Variants in MACROD2 observed in about 807,000 individuals in gnomAD.
The protein encoded by MACROD2 is mono-ADP ribosylhydrolase 2.
In MACROD2, 36 loss-of-function variants were observed where a neutral mutation model predicts 70.4. The ratio of observed to expected loss-of-function variants is 0.51; its 90% CI spans 0.39 to 0.68. The LOEUF (loss-of-function observed/expected upper bound fraction) is 0.68. Ranked by LOEUF, MACROD2 falls within the 30% of genes least tolerant of loss-of-function variation. The pLI is 0.00. For synonymous variants in MACROD2, 172 were observed against 178.8 expected, an observed-to-expected ratio of 0.96 and a Z score of 0.30; for missense variants, 496 against 538.4, an observed-to-expected ratio of 0.92 and a Z score of 0.78.
intron 7 of MACROD2, among the ~76,000 whole-genome samples, chr20:15,483,932 A>G (rs2047131305): frequency 6.6e-6 from 1 of 152,054 alleles, no homozygotes; most frequent in Non-Finnish European, 1.5e-5. Flanking sequence ...ATCTTGCTAT[A>G]ATTGCTTATT....
chr20:15,000,839 A>T (rs1039858456), intron 5 of MACROD2, among the ~76,000 whole-genome samples: 45 of 152,266 alleles, frequency 3.0e-4, no homozygotes, highest in African/African-American at 1.0e-3. Flanking sequence ...ATTATTCTTT[A>T]TGCTTTTCTA....
intron 5 of MACROD2, among the ~76,000 whole-genome samples, chr20:14,952,547 T>C (rs1600865025): frequency 6.6e-6 from 1 of 152,302 alleles, no homozygotes; most frequent in Non-Finnish European, 1.5e-5. Flanking sequence ...CTAATCCCAG[T>C]ACTGCCTTCC....
chr20:15,362,642 A>T (rs1433839273), intron 6 of MACROD2, among the ~76,000 whole-genome samples: 1 of 152,126 alleles, frequency 6.6e-6, no homozygotes, highest in Admixed American at 6.6e-5. Flanking sequence ...TCAATTCATT[A>T]TTAGAAATTA....
chr20:15,563,706 T>C (rs2048274691), intron 8 of MACROD2, among the ~76,000 whole-genome samples: 1 of 152,160 alleles, frequency 6.6e-6, no homozygotes, highest in Non-Finnish European at 1.5e-5. Flanking sequence ...TAAAATAATA[T>C]ATTTTATTGC....
chr20:15,137,394 T>G (rs2076157491), intron 5 of MACROD2, among the ~76,000 whole-genome samples: 1 of 151,358 alleles, frequency 6.6e-6, no homozygotes, highest in Non-Finnish European at 1.5e-5. Context: ...AAATGATGAG[T>G]TCATGTCTTT....
intron 3 of MACROD2, among the ~76,000 whole-genome samples, chr20:14,404,004 G>T (rs1373059075): frequency 6.6e-6 from 1 of 152,086 alleles, no homozygotes; most frequent in African/African-American, 2.4e-5. Context: ...AGAATAACCA[G>T]TTAAATTGGA....
rs1028414917 is a variant in MACROD2, at chr20:14,136,529, C to T, written c.271+50801C>T. ...GCTAGGAACTGTTAATGTAAGGCAG[C>T]GGTTCTCCAAGTACGGTGCCTGGAC... On this transcript the variant is annotated intron_variant, in intron 3 of 17. Coordinates refer to ENST00000684519, the MANE Select transcript of MACROD2 (RefSeq NM_001351661.2). 1.4e-4 allele frequency among the ~76,000 whole-genome samples: 22 copies of T among 152,182 alleles called. 1 individual carries two copies. Among genetic ancestry groups the T allele is most frequent in the Non-Finnish European group, 1.6e-4 (11 of 68,006 alleles).
At chr20:14,951,564 C>T (rs998656231) in intron 5 of MACROD2, among the ~76,000 whole-genome samples, 8 of 152,214 alleles carry the variant, frequency 5.3e-5, no homozygotes, top group African/African-American at 1.9e-4. Flanking sequence ...TATTTGTTAT[C>T]CCTATTAAGC....
chr20:15,672,781 T>C (rs780709623), intron 8 of MACROD2, among the ~76,000 whole-genome samples: 2 of 152,152 alleles, frequency 1.3e-5, no homozygotes, highest in Non-Finnish European at 2.9e-5. Flanking sequence ...GCCACTGATA[T>C]GGTTTAGCTG....
At chr20:14,142,681 C>T (rs994242840) in intron 3 of MACROD2, among the ~76,000 whole-genome samples, 2 of 152,170 alleles carry the variant, frequency 1.3e-5, no homozygotes, top group Non-Finnish European at 2.9e-5. Context: ...GCCTTTAGTA[C>T]TTGCATCTTT....
chr20:15,547,281 C>A (rs1284929641), intron 8 of MACROD2, among the ~76,000 whole-genome samples: 1 of 152,180 alleles, frequency 6.6e-6, no homozygotes, highest in Non-Finnish European at 1.5e-5. Context: ...TCAAAATATT[C>A]TCAGCAGTAC....
intron 4 of MACROD2, among the ~76,000 whole-genome samples, chr20:14,604,106 T>C (rs756449498): frequency 6.6e-6 from 1 of 152,168 alleles, no homozygotes; most frequent in African/African-American, 2.4e-5. Flanking sequence ...TGAAAACATA[T>C]TTGTCTTATT....
Position 14,585,589 on chromosome 20 carries a change from T to C in MACROD2, c.301+92081T>C, listed in dbSNP as rs73258800. On this transcript the variant is annotated intron_variant, in intron 4 of 17. Transcript: ENST00000684519. The stretch of plus-strand genomic sequence containing the variant: ...TGGCTTTACTTCTTCATTTATAAGA[T>C]ATTTATTGTATATATTTGCTCAGGT... Among the ~76,000 whole-genome samples the C allele has an allele frequency of 1.4e-3, 212 of 152,256 alleles. 1 individual carries two copies. Among genetic ancestry groups the C allele is most frequent in the African/African-American group, 4.7e-3 (196 of 41,564 alleles).
Position 15,047,619 on chromosome 20 carries a change from T to A in MACROD2, c.419-182321T>A, listed in dbSNP as rs553590435. Among the ~76,000 whole-genome samples, 5 of 152,230 alleles carry A rather than the reference T, an allele frequency of 3.3e-5. No homozygotes were observed. In the South Asian group the frequency reaches 1.0e-3, roughly 32 times the overall value. ...GGCTTTGGAGTGTCAGTCATTAAAG[T>A]TTACTAATTATTCTAGCCACCCTGC... On this transcript the variant is annotated intron_variant, in intron 5 of 17. Coordinates refer to ENST00000684519, the MANE Select transcript of MACROD2 (RefSeq NM_001351661.2).
chr20:15,912,005 T>C (rs2065245092), intron 10 of MACROD2, among the ~76,000 whole-genome samples: 1 of 152,162 alleles, frequency 6.6e-6, no homozygotes, highest in African/African-American at 2.4e-5. Flanking sequence ...AAACTCCGAC[T>C]CAAAAAACAA....
chr20:14,499,006 G>T (rs1402270749), intron 4 of MACROD2, among the ~76,000 whole-genome samples: 2 of 152,186 alleles, frequency 1.3e-5, no homozygotes, highest in African/African-American at 2.4e-5. Flanking sequence ...GAGTGTTGGG[G>T]GTTACCCCTC....
chr20:15,670,821 A>G (rs2423970), intron 8 of MACROD2, among the ~76,000 whole-genome samples: 86,891 of 152,062 alleles, frequency 0.57, 25,060 homozygotes, highest in African/African-American at 0.62. Flanking sequence ...AAGAGAGACT[A>G]GAAGTGAAGA....
intron 8 of MACROD2, among the ~76,000 whole-genome samples, chr20:15,555,650 G>A (rs1333956022): frequency 6.6e-6 from 1 of 151,702 alleles, no homozygotes; most frequent in Non-Finnish European, 1.5e-5. Flanking sequence ...GAAATAACCA[G>A]CACAACACGG....
chr20:14,473,116 C>G (rs1212923280), intron 3 of MACROD2, among the ~76,000 whole-genome samples: 1 of 152,084 alleles, frequency 6.6e-6, no homozygotes, highest in African/African-American at 2.4e-5. Flanking sequence ...ATGTAATGAT[C>G]AACCTCAAAT....
Sources: allele counts gnomAD v4.1 joint callset (sites outside exome capture counted in the v4.1 genomes callset), GRCh38; gene constraint gnomAD v4.1.1; transcripts MANE v1.5; gene names NCBI Gene and HGNC (gene_info 2026-07-23, HGNC 2026-07-21).